DOCK7: variants seen among roughly 807,000 people sequenced by gnomAD.
The protein encoded by DOCK7 is dedicator of cytokinesis protein 7.
A neutral mutation model predicts 271.0 loss-of-function variants in DOCK7; 138 were observed. The observed-to-expected ratio is 0.51, with a 90% confidence interval of 0.44 to 0.59. The LOEUF (loss-of-function observed/expected upper bound fraction) is 0.59, where lower values mean the gene tolerates loss of function less well. DOCK7 is among the 20% of genes least tolerant of loss of function. DOCK7 has a pLI of 0.00. For missense variants in DOCK7, 2,066 were observed against 2,592.4 expected (o/e 0.80, Z 4.41); for synonymous variants, 823 against 876.1 (o/e 0.94, Z 1.07).
At chr1:62,510,287 G>A (rs573814387) in intron 34 of DOCK7, among the ~76,000 whole-genome samples, 1 of 152,198 alleles carries the variant, frequency 6.6e-6, no homozygotes, top group African/African-American at 2.4e-5. Context: ...AGTTCAATGT[G>A]ACACCTAAAA....
intron 1 of DOCK7, among the ~76,000 whole-genome samples, chr1:62,663,655 T>C (rs1658941740): frequency 6.6e-6 from 1 of 152,218 alleles, no homozygotes; most frequent in Non-Finnish European, 1.5e-5. Context: ...AATCTCATTT[T>C]CCTAAAAGTA....
At chr1:62,483,291 A>G (rs758009665) in intron 43 of DOCK7, 1 of 145,022 alleles carries the variant, frequency 6.9e-6, no homozygotes, top group Non-Finnish European at 1.5e-5. Context: ...TTGGCCTCCC[A>G]TAATGTTGGG....
intron 14 of DOCK7, chr1:62,604,754 G>T: frequency 6.2e-7 from 1 of 1,613,008 alleles, no homozygotes; most frequent in South Asian, 1.1e-5. Context: ...AAAATGGAAG[G>T]TTATACTCTA....
At chr1:62,670,747 G>A (rs903659499) in intron 1 of DOCK7, among the ~76,000 whole-genome samples, 37 of 152,026 alleles carry the variant, frequency 2.4e-4, no homozygotes, top group South Asian at 1.9e-3. Context: ...ACCAATCAGC[G>A]CCCTGACAAA....
At chr1:62,563,804 C>T (rs373995264) in intron 18 of DOCK7, among the ~76,000 whole-genome samples, 4 of 123,562 alleles carry the variant, frequency 3.2e-5, no homozygotes, top group Non-Finnish European at 4.8e-5. Context: ...AGGAGACCCA[C>T]CTCATGGCCA....
chr1:62,550,256 G>A (rs983479230), intron 22 of DOCK7, among the ~76,000 whole-genome samples: 2 of 152,006 alleles, frequency 1.3e-5, no homozygotes, highest in African/African-American at 4.8e-5. Flanking sequence ...GAGAGCTTGA[G>A]TGAAAGAAAT....
intron 20 of DOCK7, 120 bp downstream of exon 20, chr1:62,558,869 C>G (rs1372998559): frequency 2.6e-6 from 2 of 770,276 alleles, no homozygotes; most frequent in Non-Finnish European, 4.0e-6. Flanking sequence ...ACATCTTCCA[C>G]CCCAAATCAA....
chr1:62,624,157 T>C (rs1306553559), intron 12 of DOCK7, among the ~76,000 whole-genome samples: 1 of 151,998 alleles, frequency 6.6e-6, no homozygotes, highest in Non-Finnish European at 1.5e-5. Flanking sequence ...AATTTTCTGA[T>C]CTTGATTCAT....
intron 49 of DOCK7, among the ~76,000 whole-genome samples, chr1:62,456,262 G>C (rs1301674042): frequency 6.6e-6 from 1 of 152,154 alleles, no homozygotes; most frequent in Admixed American, 6.5e-5. Context: ...AAATATTCCT[G>C]ATTTCATAAA....
chr1:62,680,609 A>G (rs541501821), intron 1 of DOCK7, among the ~76,000 whole-genome samples: 2 of 152,172 alleles, frequency 1.3e-5, no homozygotes, highest in African/African-American at 4.8e-5. Context: ...GCAACCTACA[A>G]AACGGGAGAA....
In DOCK7 at chr1:62,602,206, TCAAA is replaced by T. The variant is rs1026967778; in HGVS notation, c.1683-15586_1683-15583del. The T allele has an allele frequency of 9.4e-6, 11 of 1,167,778 alleles. No individual in the cohort carries two copies. The African/African-American group carries it at 1.1e-4, about 11-fold the overall frequency. The allele number at this position is 1,167,778 out of a possible 1,614,324, so 72.3% of individuals were successfully genotyped here. ...TACCTTACAAAACCACCAATTAAAA[TCAAA>T]CAAACAAAAAAGTGTTATTTACATC... On this transcript the variant is annotated intron_variant, in intron 14 of 49. Coordinates refer to ENST00000635253, the MANE Select transcript of DOCK7 (RefSeq NM_001367561.1).
chr1:62,505,056 C>T (rs1236054869), intron 36 of DOCK7, among the ~76,000 whole-genome samples: 1 of 152,132 alleles, frequency 6.6e-6, no homozygotes, highest in African/African-American at 2.4e-5. Flanking sequence ...TGTTGTGAAG[C>T]TTCTATCAGA....
chr1:62,565,194 T>C (rs1392758319), intron 18 of DOCK7, among the ~76,000 whole-genome samples: 1 of 152,196 alleles, frequency 6.6e-6, no homozygotes, highest in Admixed American at 6.5e-5. Flanking sequence ...CCCTAACTCA[T>C]TTTATGAGGC....
intron 40 of DOCK7, among the ~76,000 whole-genome samples, chr1:62,493,139 C>T (rs1355863826): frequency 3.3e-5 from 5 of 152,004 alleles, no homozygotes; most frequent in Admixed American, 6.6e-5. Flanking sequence ...TCTAAGGAGA[C>T]ATCAATAGTC....
At chr1:62,550,872 C>T (rs1040895447) in intron 22 of DOCK7, among the ~76,000 whole-genome samples, 10 of 151,924 alleles carry the variant, frequency 6.6e-5, no homozygotes, top group Admixed American at 3.3e-4. Flanking sequence ...AGGCATCTGC[C>T]GCCGTGCCTG....
chr1:62,560,003 GACA>G (rs1646270758), intron 19 of DOCK7, among the ~76,000 whole-genome samples: 1 of 152,210 alleles, frequency 6.6e-6, no homozygotes, highest in Non-Finnish European at 1.5e-5. Flanking sequence ...TTCTGTGGCA[GACA>G]ACATTTCACA....
At chr1:62,511,923 T>C (rs1487632056) in intron 33 of DOCK7, among the ~76,000 whole-genome samples, 2 of 152,132 alleles carry the variant, frequency 1.3e-5, no homozygotes, top group Non-Finnish European at 2.9e-5. Context: ...AATAAGCCAA[T>C]GTCTATTATT....
intron 14 of DOCK7, chr1:62,601,770 C>A: frequency 6.3e-7 from 1 of 1,595,298 alleles, no homozygotes; most frequent in Non-Finnish European, 8.6e-7. Flanking sequence ...TGATTCTAGG[C>A]ATTCCTGCTG....
intron 47 of DOCK7, among the ~76,000 whole-genome samples, chr1:62,474,971 C>G (rs1645929048): frequency 6.6e-6 from 1 of 152,122 alleles, no homozygotes; most frequent in Non-Finnish European, 1.5e-5. Flanking sequence ...GTACATAGCT[C>G]TGAAAATGAG....
Sources: allele counts gnomAD v4.1 joint callset (sites outside exome capture counted in the v4.1 genomes callset), GRCh38; gene constraint gnomAD v4.1.1; transcripts MANE v1.5; gene names NCBI Gene and HGNC (gene_info 2026-07-23, HGNC 2026-07-21).